The following CTNNAL1 variants were observed in gnomAD, a reference collection of about 807,000 sequenced individuals.
CTNNAL1 encodes the protein alpha-catulin.
A neutral mutation model predicts 93.6 loss-of-function variants in CTNNAL1; 69 were observed. That is an observed-to-expected ratio of 0.74 (90% confidence interval 0.61 to 0.90). The LOEUF (loss-of-function observed/expected upper bound fraction) is 0.90, where lower values mean the gene tolerates loss of function less well. Among genes scored for constraint, CTNNAL1 ranks in the 40% least tolerant of loss-of-function variants. CTNNAL1 has a pLI of 0.00. For missense variants in CTNNAL1, 836 were observed against 862.0 expected (o/e 0.97, Z 0.38); for synonymous variants, 286 against 305.4 (o/e 0.94, Z 0.66).
Position 108,942,717 on chromosome 9 carries a change from A to G in CTNNAL1, c.*52T>C. On this transcript the variant is annotated 3_prime_UTR_variant, in exon 19 of 19. Transcript: ENST00000325551. Reference sequence around the variant, plus strand: ...AAGATAAAGGATCATTTGATTTTTAAAAATGTCAGCTTCATCACATGATGT... The same window carrying G: ...AAGATAAAGGATCATTTGATTTTTAGAAATGTCAGCTTCATCACATGATGT... 8.7e-7 allele frequency: 1 copy of G among 1,151,134 alleles called. No homozygotes were observed. Among genetic ancestry groups the G allele is most frequent in the Non-Finnish European group, 1.3e-6 (1 of 781,582 alleles). The allele number at this position is 1,151,134 out of a possible 1,614,324, so 71.3% of individuals were successfully genotyped here. A position where few individuals can be genotyped will look rare whatever the true frequency, so the allele number is the denominator to read the frequency against.
At chr9:109,004,695 A>C (rs958297631) in intron 1 of CTNNAL1, among the ~76,000 whole-genome samples, 17 of 152,134 alleles carry the variant, frequency 1.1e-4, no homozygotes, top group Admixed American at 2.6e-4. Context: ...CTGAGGCAGG[A>C]GAATTGCTTG....
chr9:108,943,186 GCTGA>G, intron 17 of CTNNAL1, 142 bp from the exon 18 acceptor site: 1 of 764,084 alleles, frequency 1.3e-6, no homozygotes, highest in Non-Finnish European at 2.1e-6. Flanking sequence ...AGGCACATGA[GCTGA>G]CTCAAAGCCC....
chr9:108,956,282 C>A (rs1447861886), intron 11 of CTNNAL1, among the ~76,000 whole-genome samples: 2 of 152,210 alleles, frequency 1.3e-5, no homozygotes, highest in Non-Finnish European at 2.9e-5. Flanking sequence ...AAGAAGAAAA[C>A]CCTCTGTACA....
At chr9:109,006,598 A>G (rs981405603) in intron 1 of CTNNAL1, among the ~76,000 whole-genome samples, 6 of 152,372 alleles carry the variant, frequency 3.9e-5, no homozygotes, top group African/African-American at 1.2e-4. Flanking sequence ...ATTGAGAGTC[A>G]TAACTTGGAG....
intron 11 of CTNNAL1, among the ~76,000 whole-genome samples, chr9:108,964,878 T>TTTATTTA (rs1564128908): frequency 0.016 from 1,949 of 120,364 alleles, 42 homozygotes; most frequent in African/African-American, 0.049. Flanking sequence ...TTATTTATTT[T>TTTATTTA]TTGAGACAGA....
intron 11 of CTNNAL1, among the ~76,000 whole-genome samples, chr9:108,960,800 C>A (rs1830802743): frequency 6.6e-6 from 1 of 152,166 alleles, no homozygotes. Context: ...AAAGTGGAGT[C>A]TTTTAGGTGT....
At chr9:108,950,943 A>G (rs552916566) in intron 14 of CTNNAL1, among the ~76,000 whole-genome samples, 3 of 152,084 alleles carry the variant, frequency 2.0e-5, no homozygotes, top group Non-Finnish European at 4.4e-5. Flanking sequence ...ACCAGCTCCC[A>G]TCTACCTATT....
At chr9:108,998,859 C>T (rs1223735147) in intron 2 of CTNNAL1, among the ~76,000 whole-genome samples, 1 of 152,226 alleles carries the variant, frequency 6.6e-6, no homozygotes, top group Non-Finnish European at 1.5e-5. Context: ...ATCACTAACT[C>T]TGACCAGTGA....
chr9:108,970,375 A>T, intron 10 of CTNNAL1, 27 bp downstream of exon 10: 1 of 1,595,508 alleles, frequency 6.3e-7, no homozygotes, highest in Non-Finnish European at 8.5e-7. Flanking sequence ...GACACAATAC[A>T]GAAGGAGCAA....
At chr9:108,967,206 AG>A (rs1237306265) in intron 10 of CTNNAL1, among the ~76,000 whole-genome samples, 2 of 152,206 alleles carry the variant, frequency 1.3e-5, no homozygotes, top group African/African-American at 2.4e-5. Flanking sequence ...AGAAGATAAA[AG>A]CCCTCTATTA....
intron 1 of CTNNAL1, among the ~76,000 whole-genome samples, chr9:109,004,940 A>T (rs992024532): frequency 9.9e-5 from 15 of 152,186 alleles, no homozygotes; most frequent in Admixed American, 2.6e-4. Context: ...ATTAAAGATT[A>T]AAAAACTGAG....
At position 108,974,979 on chromosome 9, in the gene CTNNAL1, A is replaced by G. The variant is rs532632307; in HGVS notation, c.1188+1983T>C. Among the ~76,000 whole-genome samples the G allele has an allele frequency of 2.0e-5, 3 of 152,158 alleles. No individual in the cohort carries two copies. The East Asian group carries it at 5.8e-4, about 29-fold the overall frequency. On this transcript the variant is annotated intron_variant, in intron 8 of 18. Coordinates refer to ENST00000325551, the MANE Select transcript of CTNNAL1 (RefSeq NM_003798.4). The stretch of plus-strand genomic sequence containing the variant: ...GGAGTTTGAGACCAGCCTGGCCAAC[A>G]TGGTGAAACCCCATCTCTACTAAAA...
At chr9:108,981,024 G>A (rs1831411620) in intron 6 of CTNNAL1, among the ~76,000 whole-genome samples, 1 of 152,210 alleles carries the variant, frequency 6.6e-6, no homozygotes, top group Non-Finnish European at 1.5e-5. Flanking sequence ...AGATAATCAT[G>A]GACAGTGAGA....
At position 108,942,961 on chromosome 9, in the gene CTNNAL1, C is replaced by T; in HGVS notation, c.2139G>A (p.Lys713=). ...GTCTAAAATAGAAAAACTACCTCACCTTCTTCAGCAGTTTATAACAAAGTG... is the reference window on the plus strand; with the variant it reads ...GTCTAAAATAGAAAAACTACCTCACTTTCTTCAGCAGTTTATAACAAAGTG... ...LLSLCYKLLK[K]LQMENNGWVS... is the part of the protein sequence containing the mutation. The change falls in exon 18 of 19, where the codon AAG becomes AAA. Residue 713 remains lysine, a splice_region_variant and synonymous_variant. Coordinates refer to ENST00000325551, the MANE Select transcript of CTNNAL1 (RefSeq NM_003798.4). 6.2e-7 allele frequency: 1 copy of T among 1,611,814 alleles called. No homozygotes were observed. The highest frequency in any genetic ancestry group is 1.7e-5 in the Admixed American group (1 of 59,640).
intron 6 of CTNNAL1, among the ~76,000 whole-genome samples, chr9:108,980,794 T>C (rs1831405495): frequency 6.6e-6 from 1 of 152,236 alleles, no homozygotes; most frequent in Admixed American, 6.5e-5. Context: ...ATTGGTCTCA[T>C]ACCATTTATG....
At chr9:108,945,285 C>G (rs1830367322) in intron 15 of CTNNAL1, among the ~76,000 whole-genome samples, 1 of 152,130 alleles carries the variant, frequency 6.6e-6, no homozygotes, top group South Asian at 2.1e-4. Flanking sequence ...TGCATATAAC[C>G]TACACACATC....
intron 15 of CTNNAL1, among the ~76,000 whole-genome samples, chr9:108,947,858 T>C (rs1046352766): frequency 6.6e-6 from 1 of 152,228 alleles, no homozygotes; most frequent in African/African-American, 2.4e-5. Flanking sequence ...CAAAAATCTT[T>C]CTAGAACTCT....
chr9:108,987,624 T>C (rs966434961), intron 4 of CTNNAL1, among the ~76,000 whole-genome samples: 3 of 152,128 alleles, frequency 2.0e-5, no homozygotes, highest in African/African-American at 7.2e-5. Context: ...TTGGGCAGTA[T>C]GGCCATTTTC....
At chr9:108,959,583 A>G (rs1157826833) in intron 11 of CTNNAL1, among the ~76,000 whole-genome samples, 1 of 137,596 alleles carries the variant, frequency 7.3e-6, no homozygotes, top group African/African-American at 2.5e-5. Context: ...TCTCCAAAAT[A>G]TAATAATAAT....
Sources: allele counts gnomAD v4.1 joint callset (sites outside exome capture counted in the v4.1 genomes callset), GRCh38; gene constraint gnomAD v4.1.1; transcripts MANE v1.5; gene names NCBI Gene and HGNC (gene_info 2026-07-23, HGNC 2026-07-21).